Variants in CIT observed in about 807,000 individuals in gnomAD.
CIT encodes citron rho-interacting serine/threonine kinase, also known as citron Rho-interacting kinase.
In CIT, 79 loss-of-function variants were observed where a neutral mutation model predicts 272.7. The ratio of observed to expected loss-of-function variants is 0.29; its 90% CI spans 0.24 to 0.35. The LOEUF is 0.35. Among genes scored for constraint, CIT ranks in the 10% least tolerant of loss-of-function variants. The pLI is 1.00. For synonymous variants in CIT, 948 were observed against 995.6 expected, an observed-to-expected ratio of 0.95 and a Z score of 0.90; for missense variants, 1,909 against 2,618.3, an observed-to-expected ratio of 0.73 and a Z score of 5.91.
At chr12:119,778,642 G>GC (rs143634844) in intron 13 of CIT, among the ~76,000 whole-genome samples, 731 of 149,302 alleles carry the variant, frequency 4.9e-3, no homozygotes, top group African/African-American at 0.011. Flanking sequence ...AGCAGGTGAC[G>GC]CCCCCCCCCC....
intron 3 of CIT, among the ~76,000 whole-genome samples, chr12:119,868,010 C>T: frequency 6.6e-6 from 1 of 152,180 alleles, no homozygotes; most frequent in South Asian, 2.1e-4. Context: ...AGGAAGACTG[C>T]TTCAAGCCTG....
intron 22 of CIT, among the ~76,000 whole-genome samples, chr12:119,754,413 A>T (rs1054190778): frequency 3.3e-5 from 5 of 152,228 alleles, no homozygotes; most frequent in African/African-American, 1.2e-4. Flanking sequence ...CATCAGTCAC[A>T]GCAGAGTGGA....
rs1224935419 is a variant in CIT at position 119,697,917 on chromosome 12, C to T, written c.5702+59G>A. 5.0e-6 allele frequency: 8 copies of T among 1,612,402 alleles called. No individual in the cohort carries two copies. The highest frequency in any genetic ancestry group is 1.3e-5 in the African/African-American group (1 of 75,010). Reference sequence around the variant, plus strand: ...GGCAAGTTAGGAAGGAACATGCGGCCGGCCCCAACACCTACCCCAATAGCT... The same window carrying T: ...GGCAAGTTAGGAAGGAACATGCGGCTGGCCCCAACACCTACCCCAATAGCT... On this transcript the variant is annotated intron_variant, in intron 45 of 47. Coordinates refer to ENST00000392521, the MANE Select transcript of CIT (RefSeq NM_001206999.2). The surrounding 1 kb of genome is among the most constrained non-coding windows in gnomAD (Gnocchi z 4.9).
In CIT at chr12:119,811,935, C is replaced by A. The variant is rs1966851102; in HGVS notation, c.1112-8546G>T. On this transcript the variant is annotated intron_variant, in intron 9 of 47. Coordinates refer to ENST00000392521, the MANE Select transcript of CIT (RefSeq NM_001206999.2). ...CCAATTTTTCACCCTGGTGGATATT[C>A]CCCAGGAATTTTTTTTTTTTTTTTT... is the stretch of plus-strand genomic sequence containing the variant. 2.1e-5 allele frequency among the ~76,000 whole-genome samples: 3 copies of A among 146,210 alleles called. No individual in the cohort carries two copies. The South Asian group carries it at 6.5e-4, about 31-fold the overall frequency.
chr12:119,743,039 G>C (rs1031477513), intron 23 of CIT, among the ~76,000 whole-genome samples: 3 of 152,268 alleles, frequency 2.0e-5, no homozygotes, highest in Admixed American at 1.3e-4. Context: ...CCAGGAAAAA[G>C]CTGCCTTAAA....
intron 3 of CIT, among the ~76,000 whole-genome samples, chr12:119,859,380 G>C (rs1351449049): frequency 6.6e-6 from 1 of 152,188 alleles, no homozygotes; most frequent in Admixed American, 6.6e-5. Flanking sequence ...ACATTCCAGA[G>C]TCATACTCAG....
At chr12:119,799,332 C>T (rs1483397010) in intron 10 of CIT, among the ~76,000 whole-genome samples, 1 of 152,174 alleles carries the variant, frequency 6.6e-6, no homozygotes, top group Non-Finnish European at 1.5e-5. Context: ...GTATTTCATC[C>T]ATCCCCGCAA....
chr12:119,849,689 CTTTTTTTTTT>C (rs869266632), intron 5 of CIT, among the ~76,000 whole-genome samples: 1 of 81,148 alleles, frequency 1.2e-5, no homozygotes, highest in African/African-American at 3.0e-5. Flanking sequence ...CTTTTTTTTT[CTTTTTTTTTT>C]TTTTGAGATA....
At chr12:119,812,518 T>C (rs1359463340) in intron 9 of CIT, among the ~76,000 whole-genome samples, 1 of 151,634 alleles carries the variant, frequency 6.6e-6, no homozygotes, top group Non-Finnish European at 1.5e-5. Context: ...TAGTTCACTA[T>C]AAGCTTGAAC....
intron 4 of CIT, among the ~76,000 whole-genome samples, chr12:119,855,939 G>A (rs949557701): frequency 2.6e-5 from 4 of 152,190 alleles, no homozygotes; most frequent in African/African-American, 9.7e-5. Flanking sequence ...CAGATGCTCA[G>A]GTAGTATGAA....
intron 13 of CIT, among the ~76,000 whole-genome samples, chr12:119,780,632 G>A (rs778707019): frequency 3.3e-5 from 5 of 152,040 alleles, no homozygotes; most frequent in South Asian, 4.2e-4. Flanking sequence ...AATAAAGAGC[G>A]ATATAGAAAG....
At position 119,710,979 on chromosome 12, in the gene CIT, C is replaced by G; in HGVS notation, c.4855-359G>C. The G allele has an allele frequency of 1.6e-6, 2 of 1,253,538 alleles. No homozygotes were observed. The highest frequency in any genetic ancestry group is 2.2e-6 in the Non-Finnish European group (2 of 919,984). 77.7% of individuals were successfully genotyped at this position (1,253,538 alleles called of 1,614,324 possible). A position where few individuals can be genotyped will look rare whatever the true frequency, so the allele number is the denominator to read the frequency against. On this transcript the variant is annotated intron_variant, in intron 37 of 47. Coordinates refer to ENST00000392521, the MANE Select transcript of CIT (RefSeq NM_001206999.2). This position sits in a 1 kb window ranked among gnomAD's most constrained non-coding sequence, Gnocchi z 5.6. Reference sequence around the variant, plus strand: ...AAGACACATGAAAGACTCCTTCCCCCATAAGGCTGCAGCAGAAGTGCAAAG... The same window carrying G: ...AAGACACATGAAAGACTCCTTCCCCGATAAGGCTGCAGCAGAAGTGCAAAG...
rs777125140 is a variant in CIT at position 119,803,269 on chromosome 12, C to T, written c.1232G>A (p.Gly411Asp). Reference sequence around the variant, plus strand: ...AAACCCCACAAACGGCAGTTCTTCACCCGAGAAGCCTGAGGGGCTCAGCTG... The same window carrying T: ...AAACCCCACAAACGGCAGTTCTTCATCCGAGAAGCCTGAGGGGCTCAGCTG... ...PCQLSPSGFSGEELPFVGFSY... is the reference protein window; with the variant it reads ...PCQLSPSGFSDEELPFVGFSY... Residue 411 changes from glycine (G) to aspartate (D), a missense_variant, in exon 10 of 48, where the codon GGT (glycine) becomes GAT (aspartate). Around this residue, in one of 8 missense-constraint regions of CIT, gnomAD observed 529 missense variants for 549.6 expected, o/e 0.96. Coordinates refer to ENST00000392521, the MANE Select transcript of CIT (RefSeq NM_001206999.2). The T allele has an allele frequency of 3.7e-6, 6 of 1,608,106 alleles. No homozygotes were observed. The Admixed American group carries it at 1.0e-4, about 27-fold the overall frequency.
chr12:119,736,316 G>C (rs548150472), intron 24 of CIT, among the ~76,000 whole-genome samples: 2 of 152,124 alleles, frequency 1.3e-5, no homozygotes, highest in African/African-American at 4.8e-5. Flanking sequence ...ACCTAGAGTC[G>C]ATTTCGTTTA....
chr12:119,843,797 A>C (rs992948166), intron 5 of CIT, among the ~76,000 whole-genome samples: 1 of 151,696 alleles, frequency 6.6e-6, no homozygotes, highest in Non-Finnish European at 1.5e-5. Context: ...GCAAAGCGAG[A>C]CTCCATCTCA....
At chr12:119,849,772 G>A (rs371486854) in intron 5 of CIT, among the ~76,000 whole-genome samples, 157 of 150,480 alleles carry the variant, frequency 1.0e-3, no homozygotes, top group African/African-American at 3.4e-3. Flanking sequence ...TGCAAGCTCC[G>A]CTTCCCAGGT....
chr12:119,813,918 G>A (rs1242324403), intron 9 of CIT, among the ~76,000 whole-genome samples: 3 of 152,100 alleles, frequency 2.0e-5, no homozygotes, highest in Admixed American at 2.0e-4. Flanking sequence ...GAGCATTCTG[G>A]ACTTTTTTTT....
intron 4 of CIT, among the ~76,000 whole-genome samples, chr12:119,854,779 C>CG (rs1406446072): frequency 2.0e-5 from 3 of 151,664 alleles, no homozygotes; most frequent in Non-Finnish European, 2.9e-5. Context: ...TGAAACCCCC[C>CG]CTCTGCACTA....
Position 119,832,764 on chromosome 12 carries a change from T to A in CIT, c.753+7A>T. ...ACTCTATTAAGCTATCTTATTCCAT[T>A]TTTTACCATCTTGTTTGAATTCATT... On this transcript the variant is annotated splice_region_variant and intron_variant, in intron 7 of 47. Transcript: ENST00000392521. The A allele has an allele frequency of 6.2e-7, 1 of 1,609,054 alleles. No individual in the cohort carries two copies. Among genetic ancestry groups the A allele is most frequent in the Non-Finnish European group, 8.5e-7 (1 of 1,175,434 alleles).
Sources: allele counts gnomAD v4.1 joint callset (sites outside exome capture counted in the v4.1 genomes callset), GRCh38; gene constraint gnomAD v4.1.1; regional missense constraint gnomAD v4.1.1; non-coding constraint Gnocchi (gnomAD v3.1); transcripts MANE v1.5; gene names NCBI Gene and HGNC (gene_info 2026-07-23, HGNC 2026-07-21).